ADAMTS17: variants seen among roughly 807,000 people sequenced by gnomAD.
ADAMTS17 encodes the protein ADAM metallopeptidase with thrombospondin type 1 motif 17, also known as A disintegrin and metalloproteinase with thrombospondin motifs 17.
In ADAMTS17, 113 loss-of-function variants were observed where a neutral mutation model predicts 141.5. That is an observed-to-expected ratio of 0.80 (90% CI 0.69 to 0.93). ADAMTS17 has a LOEUF of 0.93. Ranked by LOEUF, ADAMTS17 falls within the 40% of genes least tolerant of loss-of-function variation. The pLI is 0.00. For synonymous variants in ADAMTS17, 768 were observed against 630.6 expected (o/e 1.22, Z -3.27); for missense variants, 1,659 against 1,517.9 (o/e 1.09, Z -1.54).
chr15:100,226,868 C>T (rs1003737276), intron 7 of ADAMTS17, among the ~76,000 whole-genome samples: 1 of 152,238 alleles, frequency 6.6e-6, no homozygotes, highest in South Asian at 2.1e-4. Context: ...AGGTTGAGTC[C>T]TACACAATTG....
intron 8 of ADAMTS17, among the ~76,000 whole-genome samples, chr15:100,164,621 G>A (rs1220420243): frequency 1.3e-5 from 2 of 152,184 alleles, no homozygotes; most frequent in Middle Eastern, 3.2e-3. Flanking sequence ...AGCCCCTCGA[G>A]CTGAAAACTC....
chr15:100,031,427 A>G (rs1304799939), intron 18 of ADAMTS17, among the ~76,000 whole-genome samples: 2 of 152,240 alleles, frequency 1.3e-5, no homozygotes, highest in Non-Finnish European at 1.5e-5. Flanking sequence ...AATGAGTAGG[A>G]CTAGAGGAAG....
intron 2 of ADAMTS17, 178 bp downstream of exon 2, chr15:100,340,861 T>G (rs985660735): frequency 1.0e-6 from 1 of 959,362 alleles, no homozygotes; most frequent in Admixed American, 2.3e-5. Flanking sequence ...CCCCTTTGCC[T>G]ATAGAGGGTA....
At chr15:100,097,783 G>A (rs545768759) in intron 14 of ADAMTS17, among the ~76,000 whole-genome samples, 2 of 152,336 alleles carry the variant, frequency 1.3e-5, no homozygotes, top group African/African-American at 2.4e-5. Context: ...CCGGGGCCAT[G>A]CGATGAGAAC....
chr15:100,105,436 C>CCTGGGGATGGAGTGACAT (rs1214898171), intron 14 of ADAMTS17, among the ~76,000 whole-genome samples: 3 of 152,138 alleles, frequency 2.0e-5, no homozygotes, highest in Admixed American at 2.0e-4. Context: ...ACAGGCTGGT[C>CCTGGGGATGGAGTGACAT]CTGGGGATGG....
At chr15:100,060,179 T>C (rs2033004948) in intron 15 of ADAMTS17, among the ~76,000 whole-genome samples, 1 of 152,260 alleles carries the variant, frequency 6.6e-6, no homozygotes, top group South Asian at 2.1e-4. Flanking sequence ...CCCTTGCTCA[T>C]TTCGCCTGGG....
intron 18 of ADAMTS17, among the ~76,000 whole-genome samples, chr15:100,000,495 C>A (rs1257873854): frequency 6.6e-6 from 1 of 152,128 alleles, no homozygotes; most frequent in Non-Finnish European, 1.5e-5. Context: ...TAAGCACACA[C>A]ATACTAAAAA....
chr15:100,268,053 T>G (rs2043779863), intron 4 of ADAMTS17, among the ~76,000 whole-genome samples: 1 of 152,256 alleles, frequency 6.6e-6, no homozygotes, highest in Admixed American at 6.5e-5. Context: ...ATGCAGCATT[T>G]GGTTTTCTGA....
intron 6 of ADAMTS17, among the ~76,000 whole-genome samples, chr15:100,254,847 G>T (rs1445778310): frequency 6.6e-6 from 1 of 152,200 alleles, no homozygotes; most frequent in East Asian, 1.9e-4. Context: ...CCAGCCGGGG[G>T]AGGCGGGGTG....
At chr15:100,046,273 A>G (rs1454332830) in intron 18 of ADAMTS17, among the ~76,000 whole-genome samples, 1 of 152,150 alleles carries the variant, frequency 6.6e-6, no homozygotes, top group African/African-American at 2.4e-5. Context: ...AAGCTACTCT[A>G]TCGTTACAGG....
chr15:100,086,721 A>C (rs199542052), intron 15 of ADAMTS17, among the ~76,000 whole-genome samples: 42,376 of 141,246 alleles, frequency 0.3, 8,540 homozygotes, highest in East Asian at 0.56. Context: ...GGAAACTGAA[A>C]AATATGCTCC....
rs1164353969 is a variant in ADAMTS17 at position 100,140,484 on chromosome 15, C to CATATATATATAT, written c.1474-7170_1474-7169insATATATATATAT. Among the ~76,000 whole-genome samples, 26 of 40,882 alleles carry CATATATATATAT rather than the reference C, an allele frequency of 6.4e-4. 1 individual carries two copies. In the South Asian group the frequency reaches 8.0e-3, roughly 13 times the overall value. 26.8% of individuals were successfully genotyped at this position (40,882 alleles called of 152,430 possible). On this transcript the variant is annotated intron_variant, in intron 10 of 21. Coordinates refer to ENST00000268070, the MANE Select transcript of ADAMTS17 (RefSeq NM_139057.4). Reference sequence around the variant, plus strand: ...ACACACACACAGACACACACACATACATACATATATATATATATATATATC... The same window carrying CATATATATATAT: ...ACACACACACAGACACACACACATACATATATATATATATACATATATATATATATATATATC...
At chr15:100,142,155 G>A (rs1159649988) in intron 10 of ADAMTS17, among the ~76,000 whole-genome samples, 3 of 152,222 alleles carry the variant, frequency 2.0e-5, no homozygotes, top group Non-Finnish European at 4.4e-5. Flanking sequence ...ACAGTCTCTG[G>A]AGGACTCTAG....
intron 4 of ADAMTS17, among the ~76,000 whole-genome samples, chr15:100,278,140 G>A (rs902269611): frequency 2.0e-5 from 3 of 152,118 alleles, no homozygotes; most frequent in Non-Finnish European, 4.4e-5. Context: ...AGGGGCTGGG[G>A]GAGAGGGAAA....
At chr15:100,281,191 C>G in intron 4 of ADAMTS17, 38 bp downstream of exon 4, 1 of 1,599,258 alleles carries the variant, frequency 6.3e-7, no homozygotes, top group Non-Finnish European at 8.5e-7. Flanking sequence ...AAGGAGAAAA[C>G]AGAGCCCCCC....
chr15:100,152,589 C>G lies in ADAMTS17; in HGVS notation c.1473+23G>C, dbSNP rs12900818. The G allele has an allele frequency of 8.1e-6, 13 of 1,612,312 alleles. No individual in the cohort carries two copies. In the African/African-American group the frequency reaches 9.3e-5, roughly 12 times the overall value. On this transcript the variant is annotated intron_variant, in intron 10 of 21. Coordinates refer to ENST00000268070, the MANE Select transcript of ADAMTS17 (RefSeq NM_139057.4). The stretch of plus-strand genomic sequence containing the variant: ...GGCTGGATCCATGCTCTGTCCCGAG[C>G]CAGCCCTCCCACGGCTGCTTACCTC...
intron 3 of ADAMTS17, among the ~76,000 whole-genome samples, chr15:100,289,813 A>T (rs2044570750): frequency 6.6e-6 from 1 of 152,210 alleles, no homozygotes; most frequent in Admixed American, 6.5e-5. Flanking sequence ...ATAAAACTCC[A>T]CATCCCTTTA....
intron 18 of ADAMTS17, among the ~76,000 whole-genome samples, chr15:100,008,584 G>A (rs537791409): frequency 3.9e-4 from 60 of 152,360 alleles, no homozygotes; most frequent in African/African-American, 1.3e-3. Context: ...TCTCCCCTTG[G>A]GGTCTGGTGA....
chr15:100,117,496 C>T (rs12439275), intron 12 of ADAMTS17, among the ~76,000 whole-genome samples: 28,327 of 152,042 alleles, frequency 0.19, 2,849 homozygotes, highest in Admixed American at 0.25. Flanking sequence ...ATAAGAACAA[C>T]GAGTTCACTG....
Sources: gnomAD v4.1 joint callset for allele counts (sites outside exome capture counted in the v4.1 genomes callset) on GRCh38, gnomAD v4.1.1 for gene constraint, MANE v1.5 for transcripts, NCBI Gene and HGNC (gene_info 2026-07-23, HGNC 2026-07-21) for gene names.